The following KIAA1217 variants were observed in gnomAD, a reference collection of about 807,000 sequenced individuals.
KIAA1217 encodes KIAA1217.
In KIAA1217, 88 loss-of-function variants were observed where a neutral mutation model predicts 163.9. The observed-to-expected ratio is 0.54, with a 90% CI of 0.45 to 0.64. The LOEUF is 0.64. Ranked by LOEUF, KIAA1217 falls within the 30% of genes least tolerant of loss-of-function variation. KIAA1217 has a pLI of 0.00. For synonymous variants in KIAA1217, 903 were observed against 923.1 expected (o/e 0.98, Z 0.39); for missense variants, 2,372 against 2,475.0 (o/e 0.96, Z 0.88).
At chr10:24,466,446 GT>G (rs1234160869) in intron 5 of KIAA1217, 16 of 835,002 alleles carry the variant, frequency 1.9e-5, no homozygotes, top group Non-Finnish European at 2.0e-5. Flanking sequence ...GTAGCCTGTG[GT>G]TGGATGTGGG....
intron 16 of KIAA1217, 74 bp downstream of exon 16, chr10:24,533,311 T>G (rs2135116091): frequency 6.8e-7 from 1 of 1,461,412 alleles, no homozygotes; most frequent in East Asian, 2.3e-5. Context: ...ACTCACAGAT[T>G]TGTTAGCGAG....
chr10:24,348,766 T>C (rs915177543), intron 2 of KIAA1217, among the ~76,000 whole-genome samples: 4 of 152,122 alleles, frequency 2.6e-5, no homozygotes, highest in African/African-American at 9.7e-5. Flanking sequence ...CATTGGGGAT[T>C]TTCTTTTGGA....
intron 1 of KIAA1217, among the ~76,000 whole-genome samples, chr10:24,212,246 G>A (rs2068234105): frequency 6.6e-6 from 1 of 152,206 alleles, no homozygotes; most frequent in Non-Finnish European, 1.5e-5. Flanking sequence ...GTAAGCTGCT[G>A]GGAGAACGGA....
rs187942935 is a variant in KIAA1217, at chr10:24,145,721, G to A, written c.-170-73905G>A. Reference sequence around the variant, plus strand: ...GCCTTCAGTCTGTGGCCGAAGGCCCGAGAGCCCCTGACAAACCATTCGTGT... The same window carrying A: ...GCCTTCAGTCTGTGGCCGAAGGCCCAAGAGCCCCTGACAAACCATTCGTGT... On this transcript the variant is annotated intron_variant, in intron 2 of 18. Coordinates refer to the KIAA1217 transcript ENST00000376462. Among the ~76,000 whole-genome samples, 1,437 of 152,334 alleles carry A rather than the reference G, an allele frequency of 9.4e-3. 15 individuals carry two copies. Among genetic ancestry groups the A allele is most frequent in the African/African-American group, 0.032 (1,330 of 41,568 alleles).
In KIAA1217 at chr10:23,975,725, T is replaced by C. The variant is rs1015934090; in HGVS notation, c.-320-31500T>C. 2.0e-5 allele frequency among the ~76,000 whole-genome samples: 3 copies of C among 152,186 alleles called. No individual in the cohort carries two copies. In the East Asian group the frequency reaches 5.8e-4, roughly 29 times the overall value. On this transcript the variant is annotated intron_variant, in intron 1 of 18. Coordinates refer to the KIAA1217 transcript ENST00000376462. The stretch of plus-strand genomic sequence containing the variant: ...GAGCCTCACGGGTGCCTACTACCAC[T>C]GAACAACACACCTCCTCCATATTAT...
chr10:24,395,875 G>T (rs2055669759), intron 3 of KIAA1217, among the ~76,000 whole-genome samples: 1 of 152,022 alleles, frequency 6.6e-6, no homozygotes, highest in Non-Finnish European at 1.5e-5. Flanking sequence ...AGGGACGGGG[G>T]TCTCACGATT....
chr10:23,878,130 T>C (rs2131181171), intron 1 of KIAA1217, among the ~76,000 whole-genome samples: 1 of 152,068 alleles, frequency 6.6e-6, no homozygotes, highest in African/African-American at 2.4e-5. Context: ...ACAGTTTGGC[T>C]GTGAGCAGTG....
chr10:24,410,584 T>G (rs948553822), intron 3 of KIAA1217, among the ~76,000 whole-genome samples: 1 of 152,212 alleles, frequency 6.6e-6, no homozygotes, highest in Non-Finnish European at 1.5e-5. Context: ...AGGAGAACTT[T>G]GATTTTACAC....
chr10:23,980,665 C>T (rs1014699248), intron 1 of KIAA1217, among the ~76,000 whole-genome samples: 1 of 152,166 alleles, frequency 6.6e-6, no homozygotes, highest in Admixed American at 6.5e-5. Context: ...CCTCATTTGC[C>T]TTCTAAACCC....
intron 2 of KIAA1217, among the ~76,000 whole-genome samples, chr10:24,310,539 T>C (rs1695559413): frequency 6.6e-6 from 1 of 152,240 alleles, no homozygotes; most frequent in Admixed American, 6.5e-5. Flanking sequence ...ACAAAAGTTA[T>C]ATATTTTAGA....
intron 6 of KIAA1217, among the ~76,000 whole-genome samples, chr10:24,484,178 GATATAC>G (rs1376585091): frequency 7.3e-6 from 1 of 136,576 alleles, no homozygotes; most frequent in African/African-American, 2.7e-5. Context: ...TATATATATA[GATATAC>G]ATATATATTG....
intron 2 of KIAA1217, among the ~76,000 whole-genome samples, chr10:24,179,884 G>T (rs1477780493): frequency 6.6e-6 from 1 of 152,104 alleles, no homozygotes; most frequent in East Asian, 1.9e-4. Context: ...CACCATGCCT[G>T]GTCTAGGAAT....
intron 3 of KIAA1217, among the ~76,000 whole-genome samples, chr10:24,427,418 G>A (rs1481007179): frequency 6.6e-6 from 1 of 152,160 alleles, no homozygotes; most frequent in Admixed American, 6.5e-5. Flanking sequence ...CAGGATTTCA[G>A]GAGAAGTATG....
At chr10:24,341,312 T>C (rs907482535) in intron 2 of KIAA1217, among the ~76,000 whole-genome samples, 2 of 152,144 alleles carry the variant, frequency 1.3e-5, no homozygotes, top group Non-Finnish European at 2.9e-5. Context: ...ATTAAATCCT[T>C]CATTGGGATG....
intron 6 of KIAA1217, among the ~76,000 whole-genome samples, chr10:24,489,593 G>C (rs2065845376): frequency 6.6e-6 from 1 of 151,872 alleles, no homozygotes; most frequent in Non-Finnish European, 1.5e-5. Flanking sequence ...AAGTGGGCCA[G>C]GCATGGTGGC....
intron 2 of KIAA1217, among the ~76,000 whole-genome samples, chr10:24,193,118 T>C (rs12267592): frequency 0.011 from 1,668 of 152,220 alleles, 27 homozygotes; most frequent in African/African-American, 0.037. Context: ...GGGGTCTTGC[T>C]ATGTTGCCCA....
chr10:23,766,584 T>C (rs1310957849), intron 1 of KIAA1217, among the ~76,000 whole-genome samples: 1 of 144,158 alleles, frequency 6.9e-6, no homozygotes, highest in African/African-American at 2.8e-5. Context: ...TTTTTCTTTC[T>C]TTCTTTTTTC....
chr10:24,387,548 G>A (rs2054179560), intron 3 of KIAA1217, among the ~76,000 whole-genome samples: 1 of 152,130 alleles, frequency 6.6e-6, no homozygotes, highest in Non-Finnish European at 1.5e-5. Flanking sequence ...TGGAAGTTCT[G>A]GCCAGGGCAA....
chr10:23,902,020 G>T (rs771351578), intron 1 of KIAA1217, among the ~76,000 whole-genome samples: 2 of 151,890 alleles, frequency 1.3e-5, no homozygotes, highest in African/African-American at 4.8e-5. Flanking sequence ...AGAACTTCAG[G>T]CAAATAATAC....
Sources: gnomAD v4.1 joint callset for allele counts (sites outside exome capture counted in the v4.1 genomes callset) on GRCh38, gnomAD v4.1.1 for gene constraint, MANE v1.5 for transcripts, NCBI Gene and HGNC (gene_info 2026-07-23, HGNC 2026-07-21) for gene names.